The following OPCML variants were observed in gnomAD, a reference collection of about 807,000 sequenced individuals.
The protein encoded by OPCML is opioid-binding protein/cell adhesion molecule.
OPCML carries 13 observed loss-of-function variants against 37.8 expected under a neutral mutation model. That is an observed-to-expected ratio of 0.34 (90% CI 0.22 to 0.55). OPCML has a LOEUF of 0.55. Ranked by LOEUF, OPCML falls within the 20% of genes least tolerant of loss-of-function variation. The probability of loss-of-function intolerance (pLI) is 0.91; values close to 1 mark genes in which losing one functional copy is unlikely to be tolerated. For synonymous variants in OPCML, 176 were observed against 168.8 expected (o/e 1.04, Z -0.33); for missense variants, 341 against 435.6 (o/e 0.78, Z 1.93).
At chr11:132,522,271 T>C (rs912346760) in intron 4 of OPCML, among the ~76,000 whole-genome samples, 2 of 152,156 alleles carry the variant, frequency 1.3e-5, no homozygotes, top group Non-Finnish European at 2.9e-5. Flanking sequence ...AAAACTGCTA[T>C]ATCATTCCCA....
intron 2 of OPCML, among the ~76,000 whole-genome samples, chr11:132,802,993 T>A (rs1336953059): frequency 6.6e-6 from 1 of 152,186 alleles, no homozygotes; most frequent in Non-Finnish European, 1.5e-5. Flanking sequence ...CAGATGATCA[T>A]AACTGCTTGA....
chr11:132,972,850 G>A (rs748751383), intron 1 of OPCML, among the ~76,000 whole-genome samples: 15 of 152,134 alleles, frequency 9.9e-5, no homozygotes, highest in Non-Finnish European at 2.1e-4. Flanking sequence ...GAGGCTGGCT[G>A]TACTCATTCC....
At chr11:132,788,233 G>C (rs1937645364) in intron 2 of OPCML, among the ~76,000 whole-genome samples, 1 of 152,052 alleles carries the variant, frequency 6.6e-6, no homozygotes, top group Admixed American at 6.6e-5. Flanking sequence ...CTGAACTCTT[G>C]CTCTTTTCCC....
At chr11:132,727,875 G>C (rs1944941573) in intron 2 of OPCML, among the ~76,000 whole-genome samples, 1 of 152,200 alleles carries the variant, frequency 6.6e-6, no homozygotes, top group African/African-American at 2.4e-5. Flanking sequence ...GCAAGGCCGA[G>C]TGCAGGCCAA....
intron 2 of OPCML, among the ~76,000 whole-genome samples, chr11:132,797,079 T>A (rs1255627989): frequency 6.6e-6 from 1 of 152,248 alleles, no homozygotes; most frequent in South Asian, 2.1e-4. Flanking sequence ...TTTTTAATAG[T>A]TGTCCTTTGG....
intron 4 of OPCML, among the ~76,000 whole-genome samples, chr11:132,504,188 G>A (rs975572109): frequency 2.0e-5 from 3 of 152,092 alleles, no homozygotes; most frequent in Non-Finnish European, 2.9e-5. Flanking sequence ...AATTAATAGA[G>A]ACAATGCTCA....
At chr11:132,779,127 C>A (rs1160664768) in intron 2 of OPCML, among the ~76,000 whole-genome samples, 1 of 151,882 alleles carries the variant, frequency 6.6e-6, no homozygotes, top group African/African-American at 2.4e-5. Context: ...GCCACCAGCC[C>A]CAGCTCATTT....
chr11:133,407,058 C>A (rs1055367410), intron 1 of OPCML, among the ~76,000 whole-genome samples: 2 of 152,152 alleles, frequency 1.3e-5, no homozygotes, highest in African/African-American at 4.8e-5. Context: ...AACCTTTATT[C>A]GCCTTTGAAC....
intron 2 of OPCML, among the ~76,000 whole-genome samples, chr11:132,915,419 T>C (rs963015813): frequency 6.6e-6 from 1 of 152,234 alleles, no homozygotes; most frequent in African/African-American, 2.4e-5. Flanking sequence ...TGCAACCATT[T>C]AGGCAGTTTC....
intron 1 of OPCML, among the ~76,000 whole-genome samples, chr11:133,119,950 G>A (rs1949395921): frequency 6.6e-6 from 1 of 152,178 alleles, no homozygotes; most frequent in South Asian, 2.1e-4. Flanking sequence ...CTTCCTGCCA[G>A]TGCAGAATTG....
chr11:133,375,743 C>T (rs914980414), intron 1 of OPCML, among the ~76,000 whole-genome samples: 1 of 152,112 alleles, frequency 6.6e-6, no homozygotes, highest in South Asian at 2.1e-4. Flanking sequence ...TCTCTATTAA[C>T]TAGTTCTCTG....
At chr11:132,923,870 T>A (rs1040762146) in intron 2 of OPCML, among the ~76,000 whole-genome samples, 2 of 148,290 alleles carry the variant, frequency 1.3e-5, no homozygotes, top group African/African-American at 5.0e-5. Context: ...TTCAAGCAAT[T>A]CTCCTTCCTC....
intron 1 of OPCML, among the ~76,000 whole-genome samples, chr11:133,075,544 G>A (rs757203067): frequency 2.0e-5 from 3 of 152,190 alleles, no homozygotes; most frequent in Non-Finnish European, 4.4e-5. Context: ...CTCTGAAGCC[G>A]GACACTGCCA....
chr11:132,696,193 T>C (rs1449623246), intron 2 of OPCML, among the ~76,000 whole-genome samples: 2 of 152,226 alleles, frequency 1.3e-5, no homozygotes, highest in Admixed American at 1.3e-4. Context: ...ATGTCTGTGT[T>C]AAGAAATGTG....
At chr11:133,096,146 G>A (rs1403029845) in intron 1 of OPCML, among the ~76,000 whole-genome samples, 1 of 151,582 alleles carries the variant, frequency 6.6e-6, no homozygotes, top group Non-Finnish European at 1.5e-5. Flanking sequence ...GTGTGTGTGT[G>A]TGTGTGTGTT....
intron 1 of OPCML, among the ~76,000 whole-genome samples, chr11:133,000,667 T>A (rs1371249726): frequency 6.6e-6 from 1 of 152,170 alleles, no homozygotes; most frequent in Middle Eastern, 3.2e-3. Context: ...GAAACCACAC[T>A]CTCTTTTCAT....
At chr11:132,936,971 GA>G (rs1338704684) in intron 2 of OPCML, among the ~76,000 whole-genome samples, 2 of 152,138 alleles carry the variant, frequency 1.3e-5, no homozygotes, top group Non-Finnish European at 2.9e-5. Flanking sequence ...AGAAAATGAA[GA>G]AAAGTTAGCA....
intron 3 of OPCML, among the ~76,000 whole-genome samples, chr11:132,616,756 C>T (rs1330708034): frequency 2.6e-5 from 4 of 152,182 alleles, no homozygotes; most frequent in Non-Finnish European, 4.4e-5. Context: ...CTGAATTAGG[C>T]ACTTTGCTAC....
rs538393949 is a variant in OPCML, at chr11:133,409,555, A to G, written c.61+122709T>C. Among the ~76,000 whole-genome samples, 7 of 152,278 alleles carry G rather than the reference A, an allele frequency of 4.6e-5. No homozygotes were observed. The South Asian group carries it at 1.4e-3, about 32-fold the overall frequency. ...GAGCTCCTGCTCTGTTCCAGATGCC[A>G]GGGGTCTTATATACATTTTATCCAG... On this transcript the variant is annotated intron_variant, in intron 1 of 7. Transcript: ENST00000524381.
Sources: gnomAD v4.1 joint callset for allele counts (sites outside exome capture counted in the v4.1 genomes callset) on GRCh38, gnomAD v4.1.1 for gene constraint, MANE v1.5 for transcripts, NCBI Gene and HGNC (gene_info 2026-07-23, HGNC 2026-07-21) for gene names.